EIF2S2: variants seen among roughly 807,000 people sequenced by gnomAD.
EIF2S2 encodes eukaryotic translation initiation factor 2 subunit beta, also known as eukaryotic translation initiation factor 2 subunit 2.
In EIF2S2, 4 loss-of-function variants were observed where a neutral mutation model predicts 44.0. The observed-to-expected ratio is 0.09, with a 90% CI of 0.04 to 0.21. The LOEUF (loss-of-function observed/expected upper bound fraction) is 0.21, where lower values mean the gene tolerates loss of function less well. Among genes scored for constraint, EIF2S2 ranks in the 10% least tolerant of loss-of-function variants. The pLI is 1.00. For synonymous variants in EIF2S2, 108 were observed against 128.3 expected (o/e 0.84, Z 1.07); for missense variants, 154 against 392.0 (o/e 0.39, Z 5.13).
chr20:34,096,525 G>T, intron 6 of EIF2S2, 132 bp downstream of exon 6: 1 of 860,162 alleles, frequency 1.2e-6, no homozygotes, highest in Non-Finnish European at 1.8e-6. Flanking sequence ...CTTGAACGGT[G>T]AACTCCCTCA....
chr20:34,103,646 TAATC>T (rs1346241153), intron 2 of EIF2S2, 81 bp from the exon 3 acceptor site: 4 of 1,406,250 alleles, frequency 2.8e-6, no homozygotes, highest in Non-Finnish European at 3.7e-6. Context: ...GTTCAGCAAT[TAATC>T]AAGTCACCAG....
Position 34,093,685 on chromosome 20 carries a change from A to G in EIF2S2, c.730T>C (p.Leu244=), listed in dbSNP as rs757592983. 3.7e-6 allele frequency: 6 copies of G among 1,608,812 alleles called. No individual in the cohort carries two copies. The Admixed American group carries it at 5.0e-5, about 13-fold the overall frequency. Residue 244 remains leucine (L), a synonymous_variant, in exon 7 of 9, where the codon TTG becomes CTG. Transcript: ENST00000374980. ...TATACAGTTTCTTACCTTGTACCCA[A>G]TTCAGCCAACAAAAATGCAAGGAGA... ...KHLLAFLLAE[L]GTSGSIDGNN...
intron 3 of EIF2S2, among the ~76,000 whole-genome samples, chr20:34,101,571 G>C (rs2034295477): frequency 6.6e-6 from 1 of 151,930 alleles, no homozygotes; most frequent in Non-Finnish European, 1.5e-5. Flanking sequence ...GCATACACTA[G>C]CCAACTTCTA....
At chr20:34,109,525 G>A (rs1422592655) in intron 1 of EIF2S2, among the ~76,000 whole-genome samples, 1 of 151,988 alleles carries the variant, frequency 6.6e-6, no homozygotes, top group African/African-American at 2.4e-5. Flanking sequence ...GCGGGTGCAA[G>A]AGCATGCACG....
At chr20:34,100,465 G>A (rs1295818664) in intron 3 of EIF2S2, among the ~76,000 whole-genome samples, 1 of 152,104 alleles carries the variant, frequency 6.6e-6, no homozygotes, top group Admixed American at 6.5e-5. Context: ...GCTATCTAGA[G>A]ATCCCCAGAT....
chr20:34,093,819 GATT>G, intron 6 of EIF2S2, 88 bp from the exon 7 acceptor site: 1 of 1,200,970 alleles, frequency 8.3e-7, no homozygotes, highest in Non-Finnish European at 1.2e-6. Flanking sequence ...TTTGATCTGT[GATT>G]ATTTAGCTAT....
intron 3 of EIF2S2, 66 bp from the exon 4 acceptor site, chr20:34,098,699 AT>A: frequency 6.5e-7 from 1 of 1,542,094 alleles, no homozygotes. Context: ...ATTTTATTAC[AT>A]TTTCTGTTGA....
At chr20:34,093,129 A>T (rs1482778512) in intron 7 of EIF2S2, among the ~76,000 whole-genome samples, 1 of 152,228 alleles carries the variant, frequency 6.6e-6, no homozygotes, top group Non-Finnish European at 1.5e-5. Context: ...TTAGGCTTCC[A>T]GATAGTAGTC....
chr20:34,105,015 C>T (rs1266988794), intron 2 of EIF2S2, among the ~76,000 whole-genome samples: 2 of 152,200 alleles, frequency 1.3e-5, no homozygotes, highest in Non-Finnish European at 2.9e-5. Flanking sequence ...CTCTCATATA[C>T]ATTTTCAGAC....
chr20:34,097,337 G>T, intron 5 of EIF2S2, 79 bp downstream of exon 5: 1 of 1,237,766 alleles, frequency 8.1e-7, no homozygotes, highest in Non-Finnish European at 1.2e-6. Context: ...TTCAACGGCC[G>T]TTCCAATAAG....
intron 1 of EIF2S2, among the ~76,000 whole-genome samples, chr20:34,109,793 C>T (rs2034390795): frequency 6.7e-6 from 1 of 150,018 alleles, no homozygotes; most frequent in Admixed American, 6.6e-5. Flanking sequence ...TTCAATTATA[C>T]ATCAAGAAAA....
At chr20:34,095,861 G>C (rs1365430669) in intron 6 of EIF2S2, among the ~76,000 whole-genome samples, 2 of 152,064 alleles carry the variant, frequency 1.3e-5, no homozygotes, top group Admixed American at 1.3e-4. Context: ...GGAAATTAAA[G>C]AACAAAGAGT....
In EIF2S2 at chr20:34,088,842, T is replaced by C. The variant is rs2034126445; in HGVS notation, c.*888A>G. On this transcript the variant is annotated 3_prime_UTR_variant, in exon 9 of 9. Coordinates refer to ENST00000374980, the MANE Select transcript of EIF2S2 (RefSeq NM_003908.5). ...TTAAATCAGAAAATAGAAAAAGCAT[T>C]TGTGGTGGGTCTTTTTCAAACCCAG... is the stretch of plus-strand genomic sequence containing the variant. The C allele has an allele frequency of 6.6e-6, 1 of 152,192 alleles. No homozygotes were observed. The allele number at this position is 152,192 out of a possible 1,614,324, so 9.4% of individuals were successfully genotyped here.
intron 7 of EIF2S2, among the ~76,000 whole-genome samples, chr20:34,091,080 C>T (rs757016649): frequency 2.0e-5 from 3 of 152,054 alleles, no homozygotes; most frequent in Admixed American, 1.3e-4. Flanking sequence ...AAATAGTTTG[C>T]GTCTAATGAT....
intron 3 of EIF2S2, among the ~76,000 whole-genome samples, chr20:34,099,073 C>G (rs2034265760): frequency 6.6e-6 from 1 of 152,146 alleles, no homozygotes; most frequent in Admixed American, 6.5e-5. Flanking sequence ...AGGCTACTGT[C>G]AGAATCACGG....
At chr20:34,104,776 T>G (rs2034329687) in intron 2 of EIF2S2, among the ~76,000 whole-genome samples, 1 of 152,242 alleles carries the variant, frequency 6.6e-6, no homozygotes, top group Non-Finnish European at 1.5e-5. Flanking sequence ...ACAACAGGAA[T>G]GAGTTACTTT....
intron 1 of EIF2S2, 130 bp downstream of exon 1, chr20:34,111,966 G>T: frequency 9.2e-7 from 1 of 1,089,456 alleles, no homozygotes; most frequent in Non-Finnish European, 1.2e-6. Context: ...CTGCCGCTCC[G>T]GGCCGCCTAG....
intron 3 of EIF2S2, among the ~76,000 whole-genome samples, chr20:34,100,378 T>G (rs1170980399): frequency 6.6e-6 from 1 of 152,126 alleles, no homozygotes; most frequent in East Asian, 1.9e-4. Context: ...TCTCTGGAGG[T>G]GGCAGGGGGA....
Position 34,088,353 on chromosome 20 carries a change from C to G in EIF2S2, c.*1377G>C, listed in dbSNP as rs1274629511. On this transcript the variant is annotated 3_prime_UTR_variant, in exon 9 of 9. Coordinates refer to ENST00000374980, the MANE Select transcript of EIF2S2 (RefSeq NM_003908.5). ...CCTTGCTTTATTCATGTAGAAATAT[C>G]CAACATTGGGAATCGTGTGGGTGTA... 6.6e-6 allele frequency: 1 copy of G among 152,564 alleles called. No individual in the cohort carries two copies. Among genetic ancestry groups the G allele is most frequent in the African/African-American group, 2.4e-5 (1 of 41,406 alleles). 9.5% of individuals were successfully genotyped at this position (152,564 alleles called of 1,614,324 possible). A position where few individuals can be genotyped will look rare whatever the true frequency, so the allele number is the denominator to read the frequency against.
Sources: gnomAD v4.1 joint callset for allele counts (sites outside exome capture counted in the v4.1 genomes callset) on GRCh38, gnomAD v4.1.1 for gene constraint, MANE v1.5 for transcripts, NCBI Gene and HGNC (gene_info 2026-07-23, HGNC 2026-07-21) for gene names.